Variants in DOCK3 observed in about 807,000 individuals in gnomAD.
DOCK3 encodes the protein dedicator of cytokinesis 3.
In DOCK3, 60 loss-of-function variants were observed where a neutral mutation model predicts 265.6. The observed-to-expected ratio is 0.23, with a 90% CI of 0.18 to 0.28. The LOEUF is 0.28. DOCK3 is among the 10% of genes least tolerant of loss of function. The pLI is 1.00. For synonymous variants in DOCK3, 881 were observed against 938.0 expected (o/e 0.94, Z 1.11); for missense variants, 1,981 against 2,594.3 (o/e 0.76, Z 5.14).
chr3:51,248,729 A>G (rs1401906444), intron 22 of DOCK3, among the ~76,000 whole-genome samples: 1 of 146,412 alleles, frequency 6.8e-6, no homozygotes, highest in Non-Finnish European at 1.5e-5. Flanking sequence ...CCCGGCCGCC[A>G]TCCCATCTAG....
intron 2 of DOCK3, among the ~76,000 whole-genome samples, chr3:50,793,623 G>C: frequency 6.6e-6 from 1 of 152,122 alleles, no homozygotes; most frequent in South Asian, 2.1e-4. Context: ...CTCCCAAAGT[G>C]CTGGGATTAC....
intron 9 of DOCK3, among the ~76,000 whole-genome samples, chr3:51,102,759 A>C (rs1474554606): frequency 6.6e-6 from 1 of 152,266 alleles, no homozygotes; most frequent in Non-Finnish European, 1.5e-5. Context: ...GTATGAGAGA[A>C]AAATAGAAAT....
At position 51,212,643 on chromosome 3, in the gene DOCK3, TC is replaced by T. The variant is rs1453108728; in HGVS notation, c.1127-1478del. On this transcript the variant is annotated intron_variant, in intron 13 of 52. Transcript: ENST00000266037. The stretch of plus-strand genomic sequence containing the variant: ...AGGGCAGATATATCCCAAGCTGTTC[TC>T]TACAGAGATTATTGTGGTTTTGGTT... Among the ~76,000 whole-genome samples, 3 of 152,186 alleles carry T rather than the reference TC, an allele frequency of 2.0e-5. No homozygotes were observed. In the East Asian group the frequency reaches 5.8e-4, roughly 29 times the overall value.
rs1267749984 is a variant in DOCK3, at chr3:51,230,109, CT to C, written c.1917+507del. Among the ~76,000 whole-genome samples, 5 of 152,186 alleles carry C rather than the reference CT, an allele frequency of 3.3e-5. 1 individual carries two copies. In the Middle Eastern group the frequency reaches 0.01, roughly 311 times the overall value. Reference sequence around the variant, plus strand: ...CCATTGTGTTTATATGCCATGTTTTCTTTTTTTATTTTATAATTTCAGCTTT... The same window carrying C: ...CCATTGTGTTTATATGCCATGTTTTCTTTTTTATTTTATAATTTCAGCTTT... On this transcript the variant is annotated intron_variant, in intron 19 of 52. Coordinates refer to ENST00000266037, the MANE Select transcript of DOCK3 (RefSeq NM_004947.5).
intron 35 of DOCK3, 91 bp downstream of exon 35, chr3:51,333,344 G>T: frequency 1.6e-6 from 2 of 1,249,654 alleles, no homozygotes; most frequent in Non-Finnish European, 2.3e-6. Flanking sequence ...GAGACCATGT[G>T]CTCTTCATGG....
In DOCK3 at chr3:50,843,482, A is replaced by G. The variant is rs865775367; in HGVS notation, c.162+1767A>G. 5.3e-5 allele frequency among the ~76,000 whole-genome samples: 8 copies of G among 152,246 alleles called. No homozygotes were observed. The East Asian group carries it at 5.8e-4, about 11-fold the overall frequency. ...AGAGTTTTATTTTAGAGTTAAGGAA[A>G]AGTACCTGGAACCTCATACTTAGTT... On this transcript the variant is annotated intron_variant, in intron 3 of 52. Transcript: ENST00000266037.
At chr3:50,925,636 G>T (rs1300060071) in intron 4 of DOCK3, among the ~76,000 whole-genome samples, 1 of 152,032 alleles carries the variant, frequency 6.6e-6, no homozygotes, top group Non-Finnish European at 1.5e-5. Flanking sequence ...CTTTGTGTCC[G>T]AAGAAGAAAC....
intron 10 of DOCK3, among the ~76,000 whole-genome samples, chr3:51,147,408 G>A (rs1005884374): frequency 2.6e-5 from 4 of 152,186 alleles, no homozygotes; most frequent in Non-Finnish European, 5.9e-5. Context: ...TTGTTACATA[G>A]GTATACATGT....
intron 5 of DOCK3, among the ~76,000 whole-genome samples, chr3:51,060,225 C>T (rs1042395554): frequency 1.3e-5 from 2 of 151,716 alleles, no homozygotes; most frequent in Admixed American, 6.6e-5. Flanking sequence ...TCAGTGACAG[C>T]CACCACAATG....
chr3:51,197,408 T>A (rs913121919), intron 12 of DOCK3, among the ~76,000 whole-genome samples: 1 of 152,128 alleles, frequency 6.6e-6, no homozygotes, highest in Non-Finnish European at 1.5e-5. Flanking sequence ...GTAGCGGTAG[T>A]GGGACAACTC....
chr3:51,067,427 T>TTGTGTGTGTGTGTGTGTGTG lies in DOCK3; in HGVS notation c.464+2842_464+2861dup, dbSNP rs60551624. 2.3e-3 allele frequency among the ~76,000 whole-genome samples: 325 copies of TTGTGTGTGTGTGTGTGTGTG among 144,196 alleles called. 4 individuals are homozygous for TTGTGTGTGTGTGTGTGTGTG. Among genetic ancestry groups the TTGTGTGTGTGTGTGTGTGTG allele is most frequent in the African/African-American group, 7.9e-3 (299 of 38,082 alleles). The allele number at this position is 144,196 out of a possible 152,430, so 94.6% of individuals were successfully genotyped here. ...ATGACTTTTTCTCAATGAAATATGT[T>TTGTGTGTGTGTGTGTGTGTG]TGTGTGTGTGTGTGTGTGTGTGTGT... On this transcript the variant is annotated intron_variant, in intron 6 of 52. Transcript: ENST00000266037.
rs570283649 is a variant in DOCK3, at chr3:50,773,380, A to T, written c.38-5295A>T. Among the ~76,000 whole-genome samples the T allele has an allele frequency of 4.0e-4, 61 of 151,896 alleles. No homozygotes were observed. The Middle Eastern group carries it at 0.01, about 25-fold the overall frequency. On this transcript the variant is annotated intron_variant, in intron 1 of 52. Transcript: ENST00000266037. ...TCATGACATTGATCTATATTAATTTAAAAAAAATCATTTGAAAGCCAATGT... is the reference window on the plus strand; with the variant it reads ...TCATGACATTGATCTATATTAATTTTAAAAAAATCATTTGAAAGCCAATGT...
chr3:51,348,574 C>T (rs2085751842), intron 38 of DOCK3, among the ~76,000 whole-genome samples: 1 of 152,126 alleles, frequency 6.6e-6, no homozygotes, highest in Non-Finnish European at 1.5e-5. Flanking sequence ...AGTAACAGAA[C>T]AGAAATGGAC....
chr3:51,353,193 T>C (rs116626642), intron 40 of DOCK3, among the ~76,000 whole-genome samples: 322 of 152,342 alleles, frequency 2.1e-3, no homozygotes, highest in Non-Finnish European at 3.9e-3. Flanking sequence ...GCAAAAGATG[T>C]AGAAATATCT....
chr3:50,932,197 G>A (rs2051104217), intron 4 of DOCK3, among the ~76,000 whole-genome samples: 1 of 152,148 alleles, frequency 6.6e-6, no homozygotes, highest in Non-Finnish European at 1.5e-5. Context: ...GTGACTTTTT[G>A]TAATCTGCTG....
At chr3:51,333,055 G>C (rs759173159) in intron 34 of DOCK3, 28 bp downstream of exon 34, 8 of 1,613,954 alleles carry the variant, frequency 5.0e-6, no homozygotes, top group Non-Finnish European at 6.8e-6. Context: ...TAAGTCTGCT[G>C]TCTCCAGATC....
chr3:51,014,422 A>G (rs531262845), intron 5 of DOCK3, among the ~76,000 whole-genome samples: 2 of 152,112 alleles, frequency 1.3e-5, no homozygotes, highest in Admixed American at 1.3e-4. Context: ...ATCATTCTGT[A>G]TAGTGCTTCC....
chr3:51,343,894 A>G (rs2085389474), intron 38 of DOCK3, among the ~76,000 whole-genome samples: 1 of 152,208 alleles, frequency 6.6e-6, no homozygotes, highest in Non-Finnish European at 1.5e-5. Flanking sequence ...CAAACCTGCT[A>G]CAAGTTGGAC....
intron 41 of DOCK3, 55 bp downstream of exon 41, chr3:51,355,078 C>G (rs571199119): frequency 3.2e-6 from 5 of 1,579,822 alleles, no homozygotes; most frequent in Middle Eastern, 1.7e-4. Context: ...GAGGTGAGAT[C>G]CACCCAGTCA....
Sources: gnomAD v4.1 joint callset for allele counts (sites outside exome capture counted in the v4.1 genomes callset) on GRCh38, gnomAD v4.1.1 for gene constraint, MANE v1.5 for transcripts, NCBI Gene and HGNC (gene_info 2026-07-23, HGNC 2026-07-21) for gene names.